The following ANTXR1 variants were observed in gnomAD, a reference collection of about 807,000 sequenced individuals.
The protein encoded by ANTXR1 is anthrax toxin receptor 1.
In ANTXR1, 19 loss-of-function variants were observed where a neutral mutation model predicts 78.1. The ratio of observed to expected loss-of-function variants is 0.24; its 90% CI spans 0.17 to 0.36. The LOEUF (loss-of-function observed/expected upper bound fraction) is 0.36. Ranked by LOEUF, ANTXR1 falls within the 10% of genes least tolerant of loss-of-function variation. The pLI, the probability that ANTXR1 is intolerant of heterozygous loss-of-function variation, is 1.00. For missense variants in ANTXR1, 518 were observed against 718.6 expected, an observed-to-expected ratio of 0.72 and a Z score of 3.19; for synonymous variants, 273 against 260.5, an observed-to-expected ratio of 1.05 and a Z score of -0.46.
intron 9 of ANTXR1, among the ~76,000 whole-genome samples, chr2:69,095,243 C>T (rs536907986): frequency 6.6e-6 from 1 of 151,582 alleles, no homozygotes; most frequent in Non-Finnish European, 1.5e-5. Flanking sequence ...TTCCTGTTTT[C>T]CTTTCTTCCT....
intron 6 of ANTXR1, among the ~76,000 whole-genome samples, chr2:69,073,329 C>T (rs948718096): frequency 6.6e-6 from 1 of 152,144 alleles, no homozygotes; most frequent in African/African-American, 2.4e-5. Context: ...ACATATTACT[C>T]TGCTTTGAAG....
intron 10 of ANTXR1, among the ~76,000 whole-genome samples, chr2:69,108,043 T>A (rs748410058): frequency 6.6e-6 from 1 of 152,258 alleles, no homozygotes; most frequent in Admixed American, 6.5e-5. Flanking sequence ...TCTGTAATGA[T>A]GGAAGTGTTC....
chr2:69,021,341 C>CA (rs2103992751), intron 1 of ANTXR1, among the ~76,000 whole-genome samples: 1 of 152,292 alleles, frequency 6.6e-6, no homozygotes, highest in Non-Finnish European at 1.5e-5. Flanking sequence ...TGCAAAAGAA[C>CA]ATTGAATCAA....
chr2:69,048,211 T>TA (rs1026833184), intron 3 of ANTXR1, among the ~76,000 whole-genome samples: 21 of 151,480 alleles, frequency 1.4e-4, no homozygotes, highest in East Asian at 7.7e-4. Flanking sequence ...ACTATTCATT[T>TA]AAAAAAAAAT....
chr2:69,248,309 TGTA>T lies in ANTXR1; in HGVS notation c.*2828_*2830del, dbSNP rs1474321575. 2 of 166,764 alleles carry T rather than the reference TGTA, an allele frequency of 1.2e-5. No individual in the cohort carries two copies. Among genetic ancestry groups the T allele is most frequent in the African/African-American group, 4.8e-5 (2 of 41,472 alleles). 10.3% of individuals were successfully genotyped at this position (166,764 alleles called of 1,614,324 possible). A position where few individuals can be genotyped will look rare whatever the true frequency, so the allele number is the denominator to read the frequency against. ...ATCCAGTGTGAATAAAAAGAACAGT[TGTA>T]GTAAATTATTATAAAGCCGATGATA... On this transcript the variant is annotated 3_prime_UTR_variant, in exon 18 of 18. Coordinates refer to ENST00000303714, the MANE Select transcript of ANTXR1 (RefSeq NM_032208.3).
chr2:69,077,316 C>T, intron 7 of ANTXR1, 92 bp from the exon 8 acceptor site: 3 of 1,361,804 alleles, frequency 2.2e-6, no homozygotes, highest in South Asian at 2.3e-5. Context: ...CTGAATATAA[C>T]TAGAGCCCCT....
chr2:69,077,292 T>A, intron 7 of ANTXR1, 116 bp from the exon 8 acceptor site: 1 of 1,123,544 alleles, frequency 8.9e-7, no homozygotes, highest in Non-Finnish European at 1.4e-6. Flanking sequence ...GAAGGCCTCA[T>A]ATTCCCCTGG....
At chr2:69,180,155 G>C (rs1250867293) in intron 14 of ANTXR1, among the ~76,000 whole-genome samples, 6 of 152,206 alleles carry the variant, frequency 3.9e-5, no homozygotes, top group Non-Finnish European at 7.3e-5. Flanking sequence ...GCTTTGCTTT[G>C]TCACCTTTTG....
intron 8 of ANTXR1, among the ~76,000 whole-genome samples, chr2:69,089,132 A>C (rs1671145874): frequency 6.6e-6 from 1 of 152,220 alleles, no homozygotes; most frequent in South Asian, 2.1e-4. Flanking sequence ...AAATAGGGGA[A>C]TCAAAGTATA....
intron 17 of ANTXR1, among the ~76,000 whole-genome samples, chr2:69,195,172 AAAAG>A (rs1488622569): frequency 6.8e-6 from 1 of 146,524 alleles, no homozygotes; most frequent in Admixed American, 6.6e-5. Context: ...GTCTCAAAAA[AAAAG>A]AAAAAAGAAA....
chr2:69,020,662 G>A (rs1334392214), intron 1 of ANTXR1, among the ~76,000 whole-genome samples: 3 of 152,198 alleles, frequency 2.0e-5, no homozygotes, highest in Admixed American at 2.0e-4. Context: ...TAGAATGTGT[G>A]TCTATGTTTG....
chr2:69,095,716 C>G (rs1671378318), intron 9 of ANTXR1, among the ~76,000 whole-genome samples: 1 of 152,146 alleles, frequency 6.6e-6, no homozygotes, highest in Non-Finnish European at 1.5e-5. Context: ...CTGAGCTCTC[C>G]CCCCATAGAA....
Position 69,183,747 on chromosome 2 carries a change from A to G in ANTXR1, c.1353+1087A>G, listed in dbSNP as rs73934779. Among the ~76,000 whole-genome samples, 1,160 of 152,046 alleles carry G rather than the reference A, an allele frequency of 7.6e-3. 20 individuals are homozygous for G. The highest frequency in any genetic ancestry group is 0.025 in the African/African-American group (1,052 of 41,466). On this transcript the variant is annotated intron_variant, in intron 16 of 17. Coordinates refer to ENST00000303714, the MANE Select transcript of ANTXR1 (RefSeq NM_032208.3). ...CTCTTTTCTATTCTTCTTGGTCCAA[A>G]TGGCTTTGAATTCACATGATTCAGT...
intron 13 of ANTXR1, among the ~76,000 whole-genome samples, chr2:69,168,038 T>C (rs1673875206): frequency 6.6e-6 from 1 of 152,166 alleles, no homozygotes; most frequent in Non-Finnish European, 1.5e-5. Context: ...CTGACACACA[T>C]GTGGCCAGGC....
At chr2:69,144,794 G>A (rs574741287) in intron 12 of ANTXR1, among the ~76,000 whole-genome samples, 2 of 152,322 alleles carry the variant, frequency 1.3e-5, no homozygotes, top group African/African-American at 2.4e-5. Context: ...CTCAGAATCT[G>A]CACAACCTAG....
intron 1 of ANTXR1, among the ~76,000 whole-genome samples, 182 bp from the exon 2 acceptor site, chr2:69,039,862 A>T (rs1267984624): frequency 6.6e-6 from 1 of 152,190 alleles, no homozygotes; most frequent in Non-Finnish European, 1.5e-5. Flanking sequence ...ACAACATCTT[A>T]AAGAACCCTA....
intron 12 of ANTXR1, among the ~76,000 whole-genome samples, chr2:69,136,209 G>A (rs891209833): frequency 2.0e-5 from 3 of 152,140 alleles, no homozygotes; most frequent in African/African-American, 7.2e-5. Context: ...TATCCTGAAT[G>A]AAACTGATCA....
chr2:69,134,549 G>A (rs1672857098), intron 12 of ANTXR1, among the ~76,000 whole-genome samples: 1 of 152,154 alleles, frequency 6.6e-6, no homozygotes, highest in African/African-American at 2.4e-5. Context: ...AGTGGGGATT[G>A]GAATAGAAAA....
chr2:69,103,978 G>A (rs977081902), intron 10 of ANTXR1, among the ~76,000 whole-genome samples: 1 of 133,302 alleles, frequency 7.5e-6, no homozygotes, highest in African/African-American at 3.0e-5. Context: ...TGCTTCTGTT[G>A]TCCAGGCTGG....
Sources: allele counts gnomAD v4.1 joint callset (sites outside exome capture counted in the v4.1 genomes callset), GRCh38; gene constraint gnomAD v4.1.1; transcripts MANE v1.5; gene names NCBI Gene and HGNC (gene_info 2026-07-23, HGNC 2026-07-21).